The following NUP93 variants were observed in gnomAD, a reference collection of about 807,000 sequenced individuals.
NUP93 encodes the protein nucleoporin 93.
A neutral mutation model predicts 107.8 loss-of-function variants in NUP93; 55 were observed. That is an observed-to-expected ratio of 0.51 (90% CI 0.41 to 0.64). The LOEUF (loss-of-function observed/expected upper bound fraction) is 0.64. Ranked by LOEUF, NUP93 falls within the 30% of genes least tolerant of loss-of-function variation. The probability of loss-of-function intolerance (pLI) is 0.00; values close to 1 mark genes in which losing one functional copy is unlikely to be tolerated. For missense variants in NUP93, 937 were observed against 1,044.7 expected (o/e 0.90, Z 1.42); for synonymous variants, 390 against 397.5 (o/e 0.98, Z 0.22).
At chr16:56,823,606 C>G in intron 7 of NUP93, 101 bp from the exon 8 acceptor site, 1 of 1,361,724 alleles carries the variant, frequency 7.3e-7, no homozygotes, top group South Asian at 1.3e-5. Context: ...AACCTCATCC[C>G]CCACCACATT....
At position 56,845,872 on chromosome 16, in the gene NUP93, T is replaced by C. The variant is rs1964110609; in HGVS notation, c.*1263T>C. On this transcript the variant is annotated 3_prime_UTR_variant, in exon 22 of 22. Transcript: ENST00000308159. ...TTGGGAAGAAATAATCTGTAGATAA[T>C]GGAACCAACTGCTGCTTATCGGTAG... The C allele has an allele frequency of 6.6e-6, 1 of 152,236 alleles. No individual in the cohort carries two copies. Among genetic ancestry groups the C allele is most frequent in the Admixed American group, 6.5e-5 (1 of 15,284 alleles). 9.4% of individuals were successfully genotyped at this position (152,236 alleles called of 1,614,324 possible).
At chr16:56,730,377 T>G (rs1278455919) in intron 1 of NUP93, among the ~76,000 whole-genome samples, 166 bp downstream of exon 1, 2 of 152,038 alleles carry the variant, frequency 1.3e-5, no homozygotes, top group African/African-American at 2.4e-5. Flanking sequence ...CAACGCCTTG[T>G]CGAGCCGCCC....
At chr16:56,826,849 C>T (rs1963672535) in intron 8 of NUP93, among the ~76,000 whole-genome samples, 2 of 151,664 alleles carry the variant, frequency 1.3e-5, no homozygotes, top group Admixed American at 1.3e-4. Context: ...AGATTGAGAC[C>T]ATCCTGGCCA....
At chr16:56,801,843 G>A (rs1221667923) in intron 4 of NUP93, among the ~76,000 whole-genome samples, 2 of 152,150 alleles carry the variant, frequency 1.3e-5, no homozygotes, top group East Asian at 1.9e-4. Context: ...TGCTAAGCAG[G>A]AGTTCTTGGC....
At chr16:56,794,820 C>T (rs371143757) in intron 3 of NUP93, among the ~76,000 whole-genome samples, 21 of 149,392 alleles carry the variant, frequency 1.4e-4, no homozygotes, top group Middle Eastern at 3.5e-3. Flanking sequence ...CCCAGCTACT[C>T]GGGAGGCTGA....
At chr16:56,797,852 G>T (rs1962934535) in intron 3 of NUP93, among the ~76,000 whole-genome samples, 1 of 152,208 alleles carries the variant, frequency 6.6e-6, no homozygotes, top group African/African-American at 2.4e-5. Context: ...TTTGGCCATT[G>T]TGTTACAGGC....
chr16:56,824,090 C>T (rs539282499), intron 8 of NUP93, among the ~76,000 whole-genome samples: 10 of 152,106 alleles, frequency 6.6e-5, no homozygotes, highest in Non-Finnish European at 8.8e-5. Flanking sequence ...GAGCACTGTT[C>T]GAATTCCCTT....
chr16:56,782,249 C>G, intron 3 of NUP93: 11 of 973,502 alleles, frequency 1.1e-5, no homozygotes, highest in Non-Finnish European at 1.3e-5. Context: ...GAAATTAAGA[C>G]AAATGCACCC....
intron 3 of NUP93, among the ~76,000 whole-genome samples, chr16:56,788,550 C>G (rs758514793): frequency 6.6e-6 from 1 of 152,226 alleles, no homozygotes; most frequent in Non-Finnish European, 1.5e-5. Flanking sequence ...GCACTCCATA[C>G]GGAGTCTCAG....
At chr16:56,758,721 A>G (rs1962072052) in intron 3 of NUP93, 66 bp downstream of exon 3, 1 of 1,038,566 alleles carries the variant, frequency 9.6e-7, no homozygotes, top group East Asian at 2.4e-5. Context: ...CTGGCCCTTT[A>G]TTAACTAGCA....
At chr16:56,786,762 T>C (rs1962637095) in intron 3 of NUP93, among the ~76,000 whole-genome samples, 1 of 152,260 alleles carries the variant, frequency 6.6e-6, no homozygotes, top group South Asian at 2.1e-4. Flanking sequence ...GAGCCAGGCA[T>C]TCTGACATGT....
intron 3 of NUP93, among the ~76,000 whole-genome samples, chr16:56,772,586 C>T (rs1962341762): frequency 1.3e-5 from 2 of 152,232 alleles, no homozygotes; most frequent in Non-Finnish European, 2.9e-5. Flanking sequence ...GGCCTGGAAG[C>T]TCTGTGGAAG....
chr16:56,830,767 C>T, intron 10 of NUP93, 82 bp downstream of exon 10: 2 of 1,291,392 alleles, frequency 1.5e-6, no homozygotes, highest in South Asian at 2.0e-5. Flanking sequence ...TCTCTTTTCC[C>T]TGGACGGGCC....
rs2144660003 is a variant in NUP93 at position 56,846,920 on chromosome 16, TCTA to T, written c.*2314_*2316del. 1 of 152,354 alleles carries T rather than the reference TCTA, an allele frequency of 6.6e-6. No individual in the cohort carries two copies. Among genetic ancestry groups the T allele is most frequent in the East Asian group, 1.9e-4 (1 of 5,182 alleles). 9.4% of individuals were successfully genotyped at this position (152,354 alleles called of 1,614,324 possible). A position where few individuals can be genotyped will look rare whatever the true frequency, so the allele number is the denominator to read the frequency against. Reference sequence around the variant, plus strand: ...TTTGCCTTTCCTTGCATCCTGCAGTTCTACTTGTCTCAGAGAGAACTGCACACC... The same window carrying T: ...TTTGCCTTTCCTTGCATCCTGCAGTTCTTGTCTCAGAGAGAACTGCACACC... On this transcript the variant is annotated 3_prime_UTR_variant, in exon 22 of 22. Transcript: ENST00000308159.
intron 16 of NUP93, among the ~76,000 whole-genome samples, chr16:56,835,863 T>A (rs941344357): frequency 6.6e-6 from 1 of 152,144 alleles, no homozygotes; most frequent in East Asian, 1.9e-4. Flanking sequence ...GCGCGGTGGC[T>A]CACGCCTGTA....
chr16:56,748,915 G>T (rs2144459431), intron 2 of NUP93, among the ~76,000 whole-genome samples: 1 of 152,306 alleles, frequency 6.6e-6, no homozygotes, highest in East Asian at 1.9e-4. Context: ...TCTGCTTGTT[G>T]TCAGTGACCC....
intron 5 of NUP93, 73 bp downstream of exon 5, chr16:56,805,705 G>C: frequency 6.7e-7 from 1 of 1,502,704 alleles, no homozygotes; most frequent in Non-Finnish European, 9.1e-7. Context: ...TACTTGACTA[G>C]TATTTTTGGC....
chr16:56,844,193 G>T (rs1215461025), intron 21 of NUP93, among the ~76,000 whole-genome samples: 1 of 152,190 alleles, frequency 6.6e-6, no homozygotes, highest in Non-Finnish European at 1.5e-5. Context: ...TCAGGGCTGT[G>T]TCAAAAGCTA....
At chr16:56,813,400 G>C (rs1230342241) in intron 5 of NUP93, among the ~76,000 whole-genome samples, 1 of 152,234 alleles carries the variant, frequency 6.6e-6, no homozygotes, top group Non-Finnish European at 1.5e-5. Flanking sequence ...TTTGAAAACT[G>C]CAGACCATAG....
Sources: gnomAD v4.1 joint callset for allele counts (sites outside exome capture counted in the v4.1 genomes callset) on GRCh38, gnomAD v4.1.1 for gene constraint, MANE v1.5 for transcripts, NCBI Gene and HGNC (gene_info 2026-07-23, HGNC 2026-07-21) for gene names.